VRK2: variants seen among roughly 807,000 people sequenced by gnomAD.
The protein encoded by VRK2 is serine/threonine-protein kinase VRK2.
In VRK2, 60 loss-of-function variants were observed where a neutral mutation model predicts 57.6. That is an observed-to-expected ratio of 1.04 (90% CI 0.85 to 1.29). VRK2 has a LOEUF of 1.29. VRK2 is among the 50% of genes most tolerant of loss of function. VRK2 has a pLI of 0.00. For synonymous variants in VRK2, 231 were observed against 199.2 expected (o/e 1.16, Z -1.35); for missense variants, 705 against 588.1 (o/e 1.20, Z -2.06).
chr2:58,016,607 G>A (rs776324181), intron 1 of VRK2, among the ~76,000 whole-genome samples: 8 of 152,078 alleles, frequency 5.3e-5, no homozygotes, highest in Non-Finnish European at 7.4e-5. Context: ...TGATCTGCCC[G>A]CCTCAGCCTC....
intron 12 of VRK2, among the ~76,000 whole-genome samples, chr2:58,151,703 AT>A (rs201113093): frequency 1.1e-4 from 4 of 37,848 alleles, no homozygotes; most frequent in Non-Finnish European, 1.1e-4. Flanking sequence ...CTGATTGAGA[AT>A]TTTTTTTTAA....
intron 8 of VRK2, among the ~76,000 whole-genome samples, chr2:58,125,166 C>G (rs1573255664): frequency 6.6e-6 from 1 of 152,182 alleles, no homozygotes; most frequent in East Asian, 1.9e-4. Context: ...TTTATTTCAA[C>G]TGGTAGCTCT....
chr2:58,085,928 T>G (rs1030359001), intron 4 of VRK2, among the ~76,000 whole-genome samples: 4 of 141,140 alleles, frequency 2.8e-5, no homozygotes, highest in Non-Finnish European at 1.5e-5. Flanking sequence ...TGCTTTTTTT[T>G]TCTTTTTTTT....
At chr2:57,970,217 T>C (rs1672053536) in intron 1 of VRK2, among the ~76,000 whole-genome samples, 1 of 149,290 alleles carries the variant, frequency 6.7e-6, no homozygotes, top group Admixed American at 6.7e-5. Context: ...TTTACATATA[T>C]ATACACATAT....
chr2:58,041,624 T>A (rs1674459782), intron 3 of VRK2, among the ~76,000 whole-genome samples: 1 of 152,142 alleles, frequency 6.6e-6, no homozygotes, highest in Admixed American at 6.5e-5. Flanking sequence ...CCTGCAAACA[T>A]TCTCTTGTGG....
chr2:58,112,003 T>C (rs1472416805), intron 7 of VRK2, among the ~76,000 whole-genome samples: 1 of 152,208 alleles, frequency 6.6e-6, no homozygotes, highest in Non-Finnish European at 1.5e-5. Flanking sequence ...CTTTAGGGTG[T>C]ATAAAAATAG....
At chr2:58,013,904 C>T (rs13029878) in intron 1 of VRK2, among the ~76,000 whole-genome samples, 2 of 144,270 alleles carry the variant, frequency 1.4e-5, no homozygotes, top group East Asian at 2.1e-4. Flanking sequence ...TTGCTCACTA[C>T]AAACTGATTA....
intron 1 of VRK2, among the ~76,000 whole-genome samples, chr2:57,987,165 G>C (rs970330306): frequency 1.3e-5 from 2 of 151,800 alleles, no homozygotes; most frequent in South Asian, 4.2e-4. Context: ...TTAACAAATT[G>C]AACTTTATCA....
intron 1 of VRK2, among the ~76,000 whole-genome samples, chr2:57,965,042 T>C (rs1465271921): frequency 6.6e-6 from 1 of 152,194 alleles, no homozygotes; most frequent in Non-Finnish European, 1.5e-5. Context: ...AAATAAACTT[T>C]GGATCATTTA....
chr2:58,146,956 C>G (rs1277710681), intron 12 of VRK2, among the ~76,000 whole-genome samples: 1 of 151,930 alleles, frequency 6.6e-6, no homozygotes, highest in Non-Finnish European at 1.5e-5. Context: ...CCTCCCTAAT[C>G]TAACCTTTTT....
chr2:58,053,329 G>T (rs1676037227), intron 2 of VRK2, among the ~76,000 whole-genome samples: 1 of 152,152 alleles, frequency 6.6e-6, no homozygotes, highest in Admixed American at 6.5e-5. Context: ...AGTTAACTGT[G>T]GTGAAGCCTG....
intron 7 of VRK2, among the ~76,000 whole-genome samples, chr2:58,097,874 G>A (rs1458448027): frequency 2.0e-5 from 3 of 151,634 alleles, no homozygotes; most frequent in Non-Finnish European, 2.9e-5. Flanking sequence ...TATTATTTTA[G>A]AGTATATTCC....
intron 1 of VRK2, among the ~76,000 whole-genome samples, chr2:57,976,504 T>C (rs779892494): frequency 3.9e-5 from 6 of 152,174 alleles, no homozygotes; most frequent in Admixed American, 6.6e-5. Flanking sequence ...GCCACTTGTA[T>C]GTCTTCTTTT....
At chr2:58,148,442 C>T (rs185496065) in intron 12 of VRK2, among the ~76,000 whole-genome samples, 194 of 151,910 alleles carry the variant, frequency 1.3e-3, no homozygotes, top group Non-Finnish European at 1.7e-3. Context: ...TCCTAGCATG[C>T]GGCCTGCCTA....
intron 1 of VRK2, among the ~76,000 whole-genome samples, chr2:58,024,257 T>C (rs1381749107): frequency 6.6e-6 from 1 of 152,212 alleles, no homozygotes; most frequent in South Asian, 2.1e-4. Context: ...GCTGAAATTA[T>C]AGTTTCTGTG....
At chr2:57,932,907 T>C (rs1300666566) in intron 1 of VRK2, among the ~76,000 whole-genome samples, 2 of 152,222 alleles carry the variant, frequency 1.3e-5, no homozygotes, top group Non-Finnish European at 2.9e-5. Context: ...TGTCTCAAGA[T>C]AATTTCTTAT....
chr2:57,956,580 C>G (rs750140186), intron 1 of VRK2, among the ~76,000 whole-genome samples: 5 of 152,078 alleles, frequency 3.3e-5, no homozygotes, highest in Non-Finnish European at 5.9e-5. Flanking sequence ...TTCATTTGAA[C>G]ACTACATATA....
intron 1 of VRK2, among the ~76,000 whole-genome samples, chr2:57,949,290 GT>G (rs955086744): frequency 6.6e-6 from 1 of 152,126 alleles, no homozygotes; most frequent in Non-Finnish European, 1.5e-5. Flanking sequence ...CAGATATTAT[GT>G]TTTTTATGAA....
intron 12 of VRK2, among the ~76,000 whole-genome samples, chr2:58,150,453 C>T (rs1347050490): frequency 6.6e-6 from 1 of 150,886 alleles, no homozygotes; most frequent in Non-Finnish European, 1.5e-5. Context: ...GTCCCTCTTT[C>T]AGTTCTGATA....
Sources: allele counts gnomAD v4.1 joint callset (sites outside exome capture counted in the v4.1 genomes callset), GRCh38; gene constraint gnomAD v4.1.1; transcripts MANE v1.5; gene names NCBI Gene and HGNC (gene_info 2026-07-23, HGNC 2026-07-21).